The following LY86 variants were observed in gnomAD, a reference collection of about 807,000 sequenced individuals.
LY86 encodes the protein lymphocyte antigen 86.
A neutral mutation model predicts 17.3 loss-of-function variants in LY86; 20 were observed. The observed-to-expected ratio is 1.15, with a 90% CI of 0.81 to 1.68. The LOEUF (loss-of-function observed/expected upper bound fraction) is 1.68, where lower values mean the gene tolerates loss of function less well. Among genes scored for constraint, LY86 ranks in the 40% most tolerant of loss-of-function variants. The probability of loss-of-function intolerance (pLI) is 0.00; values close to 1 mark genes in which losing one functional copy is unlikely to be tolerated. For missense variants in LY86, 200 were observed against 191.9 expected, an observed-to-expected ratio of 1.04 and a Z score of -0.25; for synonymous variants, 74 against 70.6, an observed-to-expected ratio of 1.05 and a Z score of -0.24.
intron 1 of LY86, chr6:6,591,299 G>A (rs973404002): frequency 6.5e-6 from 1 of 153,846 alleles, no homozygotes; most frequent in Non-Finnish European, 1.5e-5. Flanking sequence ...TGGAGTCAGT[G>A]AATGTCTTAG....
chr6:6,600,223 T>C (rs1760854311), intron 1 of LY86, among the ~76,000 whole-genome samples: 1 of 152,012 alleles, frequency 6.6e-6, no homozygotes, highest in South Asian at 2.1e-4. Context: ...CCTTCCTCTG[T>C]GATAGGAGCC....
intron 1 of LY86, among the ~76,000 whole-genome samples, chr6:6,607,564 TAAAG>T (rs970872750): frequency 3.3e-5 from 5 of 151,990 alleles, no homozygotes; most frequent in Non-Finnish European, 7.4e-5. Context: ...AGGAAAGGCA[TAAAG>T]AAAGAAAACC....
chr6:6,619,113 A>G (rs1365314894), intron 1 of LY86, among the ~76,000 whole-genome samples: 4 of 152,248 alleles, frequency 2.6e-5, no homozygotes, highest in Admixed American at 6.5e-5. Flanking sequence ...GAATTCGCCA[A>G]GAAAATTAAG....
Position 6,588,730 on chromosome 6 carries a change from C to G in LY86, c.-5C>G. On this transcript the variant is annotated 5_prime_UTR_variant, in exon 1 of 5. Coordinates refer to ENST00000230568, the MANE Select transcript of LY86 (RefSeq NM_004271.4). ...TTTTCTGTGTGTCCCATACAGGCCC[C>G]CACCATGAAGGGTTTCACAGCCACT... 6.2e-7 allele frequency: 1 copy of G among 1,613,976 alleles called. No homozygotes were observed. Among genetic ancestry groups the G allele is most frequent in the Non-Finnish European group, 8.5e-7 (1 of 1,179,900 alleles).
In LY86 at chr6:6,588,800, C is replaced by A. The variant is rs139269722; in HGVS notation, c.66C>A (p.Gly22=). The change falls in exon 1 of 5, where the codon GGC becomes GGA. Residue 22 remains glycine (G), a synonymous_variant. Coordinates refer to ENST00000230568, the MANE Select transcript of LY86 (RefSeq NM_004271.4). ...TLIFPSCSGG[G]GGKAWPTHVV... is the part of the protein sequence containing the mutation. ...TTTTTCCCAGCTGCAGTGGAGGCGG[C>A]GGTGGGAAAGCCTGGCCCACACACG... is the stretch of plus-strand genomic sequence containing the variant. 6.2e-7 allele frequency: 1 copy of A among 1,614,156 alleles called. No homozygotes were observed. The highest frequency in any genetic ancestry group is 8.5e-7 in the Non-Finnish European group (1 of 1,180,004).
intron 1 of LY86, among the ~76,000 whole-genome samples, chr6:6,602,461 A>AT (rs1561777422): frequency 1.3e-5 from 2 of 152,270 alleles, no homozygotes; most frequent in African/African-American, 4.8e-5. Context: ...TACAGTATAC[A>AT]TAGTCCATAC....
chr6:6,624,071 C>T (rs1004313986), intron 1 of LY86, among the ~76,000 whole-genome samples: 1 of 152,018 alleles, frequency 6.6e-6, no homozygotes, highest in African/African-American at 2.4e-5. Context: ...AGATAATGGC[C>T]AAAAAGACTA....
chr6:6,590,309 G>A (rs183892000), intron 1 of LY86, among the ~76,000 whole-genome samples: 160 of 152,144 alleles, frequency 1.1e-3, no homozygotes, highest in Non-Finnish European at 1.7e-3. Context: ...ACTAAGTGAC[G>A]GACAGGCCGG....
intron 1 of LY86, among the ~76,000 whole-genome samples, chr6:6,602,139 C>T (rs193212953): frequency 5.6e-4 from 86 of 152,312 alleles, no homozygotes; most frequent in African/African-American, 1.7e-3. Flanking sequence ...CCATCACCAC[C>T]CTCTGTATCA....
chr6:6,634,012 G>A (rs1761930545), intron 3 of LY86, among the ~76,000 whole-genome samples: 1 of 152,180 alleles, frequency 6.6e-6, no homozygotes, highest in East Asian at 1.9e-4. Flanking sequence ...TTCAACCAAT[G>A]AAAACCTGAG....
intron 1 of LY86, among the ~76,000 whole-genome samples, chr6:6,615,719 C>CAAAAAAA (rs373207405): frequency 1.1e-5 from 1 of 91,730 alleles, no homozygotes; most frequent in Non-Finnish European, 2.1e-5. Context: ...GATGTTGTCT[C>CAAAAAAA]AAAAAAAAAA....
At chr6:6,618,148 T>G (rs779194385) in intron 1 of LY86, among the ~76,000 whole-genome samples, 2 of 152,230 alleles carry the variant, frequency 1.3e-5, no homozygotes, top group Non-Finnish European at 2.9e-5. Context: ...GCTAGCGCAT[T>G]GTTGATCTAC....
chr6:6,629,325 G>A (rs373525803), intron 3 of LY86, among the ~76,000 whole-genome samples: 1 of 152,144 alleles, frequency 6.6e-6, no homozygotes, highest in African/African-American at 2.4e-5. Context: ...GAGGCTTTTT[G>A]GATAATTAAA....
chr6:6,602,611 C>T lies in LY86; in HGVS notation c.136+13741C>T, dbSNP rs139346430. 4.0e-3 allele frequency among the ~76,000 whole-genome samples: 605 copies of T among 152,218 alleles called. 1 individual carries two copies. Among genetic ancestry groups the T allele is most frequent in the Middle Eastern group, 0.02 (6 of 294 alleles). On this transcript the variant is annotated intron_variant, in intron 1 of 4. Coordinates refer to ENST00000230568, the MANE Select transcript of LY86 (RefSeq NM_004271.4). Reference sequence around the variant, plus strand: ...GCACCAGGAGAGTGAAGAAGCGAGACAGGGAAGAAAAAGAAGCCAGCGCAG... The same window carrying T: ...GCACCAGGAGAGTGAAGAAGCGAGATAGGGAAGAAAAAGAAGCCAGCGCAG...
chr6:6,652,978 T>C (rs1343495917), intron 4 of LY86, among the ~76,000 whole-genome samples: 2 of 152,246 alleles, frequency 1.3e-5, no homozygotes, highest in Admixed American at 1.3e-4. Context: ...AAGAGAACGA[T>C]GAAACACAAC....
At chr6:6,591,815 C>T (rs1760538821) in intron 1 of LY86, among the ~76,000 whole-genome samples, 1 of 152,052 alleles carries the variant, frequency 6.6e-6, no homozygotes, top group Admixed American at 6.5e-5. Flanking sequence ...AATCAGCAGG[C>T]AAAGTGGACT....
At chr6:6,598,738 GAAACTCAT>G (rs1760796805) in intron 1 of LY86, among the ~76,000 whole-genome samples, 1 of 22,092 alleles carries the variant, frequency 4.5e-5, no homozygotes, top group Non-Finnish European at 1.8e-4. Flanking sequence ...GGCATCATTG[GAAACTCAT>G]GCCTGCCCTT....
At chr6:6,630,672 G>A (rs1051204100) in intron 3 of LY86, among the ~76,000 whole-genome samples, 4 of 152,126 alleles carry the variant, frequency 2.6e-5, no homozygotes, top group Non-Finnish European at 4.4e-5. Flanking sequence ...TGTGTGATCC[G>A]GGAGCTTTGG....
At chr6:6,629,402 G>C (rs906272216) in intron 3 of LY86, among the ~76,000 whole-genome samples, 1 of 152,152 alleles carries the variant, frequency 6.6e-6, no homozygotes, top group African/African-American at 2.4e-5. Flanking sequence ...TTAATAGTAA[G>C]ACCAGAAGGG....
Sources: gnomAD v4.1 joint callset for allele counts (sites outside exome capture counted in the v4.1 genomes callset) on GRCh38, gnomAD v4.1.1 for gene constraint, MANE v1.5 for transcripts, NCBI Gene and HGNC (gene_info 2026-07-23, HGNC 2026-07-21) for gene names.